The following PRPF6 variants were observed in gnomAD, a reference collection of about 807,000 sequenced individuals.
PRPF6 encodes the protein pre-mRNA processing factor 6.
PRPF6 carries 42 observed loss-of-function variants against 118.3 expected under a neutral mutation model. The observed-to-expected ratio is 0.35, with a 90% CI of 0.28 to 0.46. The LOEUF is 0.46. Ranked by LOEUF, PRPF6 falls within the 20% of genes least tolerant of loss-of-function variation. PRPF6 has a pLI of 1.00. For synonymous variants in PRPF6, 481 were observed against 485.1 expected (o/e 0.99, Z 0.11); for missense variants, 662 against 1,255.7 (o/e 0.53, Z 7.15).
At chr20:63,984,786 T>G (rs960793544) in intron 2 of PRPF6, 121 bp from the exon 3 acceptor site, 33 of 727,270 alleles carry the variant, frequency 4.5e-5, no homozygotes, top group African/African-American at 1.8e-5. Context: ...GTCCCTTGAT[T>G]TGGCTTCGTT....
chr20:64,028,563 A>G lies in PRPF6; in HGVS notation c.2425A>G (p.Asn809Asp), dbSNP rs373071691. Residue 809 changes from asparagine (N) to aspartate (D), a missense_variant, in exon 18 of 21, where the codon AAC (asparagine) becomes GAC (aspartate). Physicochemically the swap from Asn to Asp is conservative, Grantham distance 23. This residue lies in a region of PRPF6 where 244 missense variants were observed against 383.7 expected (regional missense o/e 0.64). Coordinates refer to ENST00000266079, the MANE Select transcript of PRPF6 (RefSeq NM_012469.4). The surrounding 1 kb of genome is among the most constrained non-coding windows in gnomAD (Gnocchi z 6.5). ...GGCCAAGGCGCTGCAGGAGTGCCCC[A>G]ACTCCGGTAAGGGGGTGCCCCGACT... ...LMAKALQECP[N>D]SGILWSEAIF... 118 of 1,612,694 alleles carry G rather than the reference A, an allele frequency of 7.3e-5. No individual in the cohort carries two copies. Among genetic ancestry groups the G allele is most frequent in the African/African-American group, 2.1e-4 (16 of 74,810 alleles).
rs1208271488 is a variant in PRPF6, at chr20:64,024,703, G to A, written c.1908+10G>A. 1 of 1,611,096 alleles carries A rather than the reference G, an allele frequency of 6.2e-7. No homozygotes were observed. Among genetic ancestry groups the A allele is most frequent in the Non-Finnish European group, 8.5e-7 (1 of 1,179,446 alleles). On this transcript the variant is annotated intron_variant, in intron 14 of 20. Transcript: ENST00000266079. ...GGCCCTGGCCTTCCAGGTGGGTGAG[G>A]GTTGCCTGTGTGGTGAGGGGCCTGT... is the stretch of plus-strand genomic sequence containing the variant.
Position 64,029,492 on chromosome 20 carries a change from G to A in PRPF6, c.2546+1G>A. On this transcript the variant is annotated splice_donor_variant, in intron 19 of 20. Transcript: ENST00000266079. LOFTEE classifies it high-confidence loss of function. This position sits in a 1 kb window ranked among gnomAD's most constrained non-coding sequence, Gnocchi z 4.8. Reference sequence around the variant, plus strand: ...CCCATGTGCTCCTGGCCGTGGCCAAGTGAGTGGGGCCCCCACAGGATTGCT... The same window carrying A: ...CCCATGTGCTCCTGGCCGTGGCCAAATGAGTGGGGCCCCCACAGGATTGCT... 1 of 1,613,966 alleles carries A rather than the reference G, an allele frequency of 6.2e-7. No individual in the cohort carries two copies. The highest frequency in any genetic ancestry group is 8.5e-7 in the Non-Finnish European group (1 of 1,179,964).
At chr20:63,994,883 GAATT>G (rs1223873786) in intron 4 of PRPF6, 29 bp from the exon 5 acceptor site, 28 of 1,613,862 alleles carry the variant, frequency 1.7e-5, no homozygotes, top group Non-Finnish European at 2.1e-5. Context: ...TTCTGTCAGA[GAATT>G]AATGTTTTTG....
intron 6 of PRPF6, among the ~76,000 whole-genome samples, chr20:63,995,963 T>A (rs867835631): frequency 6.6e-5 from 10 of 152,214 alleles, no homozygotes; most frequent in South Asian, 2.1e-4. Context: ...GGCCTTTTTT[T>A]AAAATATAAA....
intron 3 of PRPF6, among the ~76,000 whole-genome samples, chr20:63,991,171 C>G (rs2059116679): frequency 6.6e-6 from 1 of 152,026 alleles, no homozygotes; most frequent in African/African-American, 2.4e-5. Context: ...CATGTGTAAT[C>G]CTAGTACCTT....
Position 64,027,295 on chromosome 20 carries a change from C to A in PRPF6, c.2205+137C>A. ...GTTACAGCTGATGGAGCTGCAGACT[C>A]AGGACCCAAACCCTGGTCCCCTCGC... On this transcript the variant is annotated intron_variant, in intron 16 of 20. Transcript: ENST00000266079. This position sits in a 1 kb window ranked among gnomAD's most constrained non-coding sequence, Gnocchi z 6.5. 1 of 1,200,814 alleles carries A rather than the reference C, an allele frequency of 8.3e-7. No individual in the cohort carries two copies. The highest frequency in any genetic ancestry group is 1.5e-5 in the African/African-American group (1 of 66,200). The allele number at this position is 1,200,814 out of a possible 1,614,324, so 74.4% of individuals were successfully genotyped here. A position where few individuals can be genotyped will look rare whatever the true frequency, so the allele number is the denominator to read the frequency against.
intron 9 of PRPF6, among the ~76,000 whole-genome samples, chr20:64,006,180 G>A (rs1191944413): frequency 6.6e-6 from 1 of 152,156 alleles, no homozygotes; most frequent in Non-Finnish European, 1.5e-5. Context: ...CCCACAGTGG[G>A]TGGCAGCAAC....
intron 9 of PRPF6, among the ~76,000 whole-genome samples, chr20:64,009,302 AAG>A (rs1208625832): frequency 5.8e-4 from 88 of 150,896 alleles, no homozygotes; most frequent in African/African-American, 1.1e-3. Flanking sequence ...AAAAAAAAAA[AAG>A]AGAGGTATTT....
rs1158030989 is a variant in PRPF6, at chr20:63,994,158, CT to C, written c.438+689del. Reference sequence around the variant, plus strand: ...ATAAATTGATTTTTCTTTTCTTTTTCTTTTTTTTTTTTTTTTGAGACGGAGT... The same window carrying C: ...ATAAATTGATTTTTCTTTTCTTTTTCTTTTTTTTTTTTTTTGAGACGGAGT... On this transcript the variant is annotated intron_variant, in intron 4 of 20. Coordinates refer to ENST00000266079, the MANE Select transcript of PRPF6 (RefSeq NM_012469.4). 7.3e-3 allele frequency among the ~76,000 whole-genome samples: 1,009 copies of C among 138,346 alleles called. 11 individuals are homozygous for C. The highest frequency in any genetic ancestry group is 0.057 in the South Asian group (246 of 4,322). 90.8% of individuals were successfully genotyped at this position (138,346 alleles called of 152,430 possible).
intron 4 of PRPF6, 51 bp downstream of exon 4, chr20:63,993,536 A>G: frequency 6.8e-7 from 1 of 1,465,734 alleles, no homozygotes; most frequent in Non-Finnish European, 9.6e-7. Context: ...CTCTCACCCT[A>G]ACCCGCAGAG....
At chr20:64,016,163 C>T (rs554350830) in intron 11 of PRPF6, among the ~76,000 whole-genome samples, 46 of 151,900 alleles carry the variant, frequency 3.0e-4, no homozygotes, top group Middle Eastern at 6.8e-3. Context: ...GCTCCGTTGC[C>T]CAGGCTGGAG....
chr20:64,016,926 C>G, intron 12 of PRPF6, 81 bp downstream of exon 12: 1 of 1,559,496 alleles, frequency 6.4e-7, no homozygotes, highest in South Asian at 1.1e-5. Context: ...AACTACTAGG[C>G]TATTTTAAAA....
intron 9 of PRPF6, among the ~76,000 whole-genome samples, chr20:64,007,247 A>C (rs2059194255): frequency 6.6e-6 from 1 of 152,178 alleles, no homozygotes. Flanking sequence ...CAGGTTGCTC[A>C]GTCATTTTAT....
At chr20:63,987,288 T>C (rs550236106) in intron 3 of PRPF6, among the ~76,000 whole-genome samples, 1 of 151,258 alleles carries the variant, frequency 6.6e-6, no homozygotes, top group South Asian at 2.1e-4. Context: ...AGGCAGATCA[T>C]TTGAGGTCAG....
chr20:64,006,316 CTTTTT>C (rs5842437), intron 9 of PRPF6, among the ~76,000 whole-genome samples: 1 of 102,520 alleles, frequency 9.8e-6, no homozygotes. Context: ...GTAGCTTGCT[CTTTTT>C]TTTTTTTTTT....
rs1157175319 is a variant in PRPF6, at chr20:64,027,019, A to G, written c.2066A>G (p.Asp689Gly). 1 of 1,614,016 alleles carries G rather than the reference A, an allele frequency of 6.2e-7. No individual in the cohort carries two copies. Among genetic ancestry groups the G allele is most frequent in the South Asian group, 1.1e-5 (1 of 91,082 alleles). ...MKSVKLEWVQ[D>G]NIRAAQDLCE... ...TCTGTGAAGCTGGAGTGGGTGCAAGACAACATCAGGGCAGCCCAAGATCTG... is the reference window on the plus strand; with the variant it reads ...TCTGTGAAGCTGGAGTGGGTGCAAGGCAACATCAGGGCAGCCCAAGATCTG... Residue 689 changes from aspartate to glycine, a missense_variant, in exon 16 of 21, where the codon GAC (aspartate) becomes GGC (glycine). Physicochemically the swap from Asp to Gly is moderately conservative, Grantham distance 94. Around this residue, in one of 10 missense-constraint regions of PRPF6, gnomAD observed 244 missense variants for 383.7 expected, o/e 0.64. Transcript: ENST00000266079. This position sits in a 1 kb window ranked among gnomAD's most constrained non-coding sequence, Gnocchi z 6.5.
chr20:63,985,940 GAC>G (rs2059091221), intron 3 of PRPF6, among the ~76,000 whole-genome samples: 1 of 152,058 alleles, frequency 6.6e-6, no homozygotes, highest in South Asian at 2.1e-4. Flanking sequence ...ACCAGACAAA[GAC>G]ACACTGAAAA....
rs1569216075 is a variant in PRPF6, at chr20:64,001,209, A to AT, written c.1158dup (p.Arg387SerfsTer26). On this transcript the variant is annotated frameshift_variant, in exon 9 of 21. Transcript: ENST00000266079. LOFTEE classifies it high-confidence loss of function. ...CAGAGCCGCAGAGCTGGAAACGGAC[A>AT]TTCGTGCAAAGAAGCGGGTTCTTCG... 1.2e-6 allele frequency: 2 copies of AT among 1,614,258 alleles called. No homozygotes were observed. Among genetic ancestry groups the AT allele is most frequent in the Non-Finnish European group, 1.7e-6 (2 of 1,180,044 alleles).
Sources: gnomAD v4.1 joint callset for allele counts (sites outside exome capture counted in the v4.1 genomes callset) on GRCh38, gnomAD v4.1.1 for gene constraint, gnomAD v4.1.1 regional missense constraint, Gnocchi (gnomAD v3.1) non-coding constraint, MANE v1.5 for transcripts, NCBI Gene and HGNC (gene_info 2026-07-23, HGNC 2026-07-21) for gene names.